LIPE: variants seen among roughly 807,000 people sequenced by gnomAD.
LIPE encodes lipase E, hormone sensitive type, also known as hormone-sensitive lipase.
Under a neutral mutation model 88.5 loss-of-function variants are expected in LIPE, and 66 were observed. The observed-to-expected ratio is 0.75, with a 90% confidence interval of 0.61 to 0.91. The LOEUF (loss-of-function observed/expected upper bound fraction) is 0.91, where lower values mean the gene tolerates loss of function less well. Ranked by LOEUF, LIPE falls within the 40% of genes least tolerant of loss-of-function variation. The probability of loss-of-function intolerance (pLI) is 0.00; values close to 1 mark genes in which losing one functional copy is unlikely to be tolerated. For missense variants in LIPE, 1,346 were observed against 1,434.7 expected (o/e 0.94, Z 1.00); for synonymous variants, 570 against 617.5 (o/e 0.92, Z 1.14).
intron 1 of LIPE, chr19:42,412,468 C>G: frequency 1.0e-6 from 1 of 986,042 alleles, no homozygotes; most frequent in Non-Finnish European, 1.2e-6. Context: ...GCTGGCCTGC[C>G]CAGGGTGTAG....
Position 42,410,986 on chromosome 19 carries a change from G to A in LIPE, c.884-144C>T. Reference sequence around the variant, plus strand: ...TCAGTTCCAGGGGCCCAGGACCCCAGGTTCCTCCTCCCTTAGACATAAGAG... The same window carrying A: ...TCAGTTCCAGGGGCCCAGGACCCCAAGTTCCTCCTCCCTTAGACATAAGAG... On this transcript the variant is annotated intron_variant, in intron 1 of 9. Coordinates refer to ENST00000244289, the MANE Select transcript of LIPE (RefSeq NM_005357.4). This position sits in a 1 kb window ranked among gnomAD's most constrained non-coding sequence, Gnocchi z 6.1. 1.2e-6 allele frequency: 1 copy of A among 845,430 alleles called. No homozygotes were observed. Among genetic ancestry groups the A allele is most frequent in the Non-Finnish European group, 1.8e-6 (1 of 560,808 alleles). 52.4% of individuals were successfully genotyped at this position (845,430 alleles called of 1,614,324 possible).
rs41275754 is a variant in LIPE, at chr19:42,412,378, C to A, written c.884-1536G>T. 4,974 of 985,916 alleles carry A rather than the reference C, an allele frequency of 5.0e-3. 13 individuals are homozygous for A. Among genetic ancestry groups the A allele is most frequent in the Non-Finnish European group, 5.5e-3 (4,604 of 830,278 alleles). 61.1% of individuals were successfully genotyped at this position (985,916 alleles called of 1,614,324 possible). ...CTGGACACTCACCCCTCCTAGGCAT[C>A]TTCCGAGCTTCCCTGGGCTGGGACT... is the stretch of plus-strand genomic sequence containing the variant. On this transcript the variant is annotated intron_variant, in intron 1 of 9. Coordinates refer to ENST00000244289, the MANE Select transcript of LIPE (RefSeq NM_005357.4).
chr19:42,410,630 G>A lies in LIPE; in HGVS notation c.1096C>T (p.Pro366Ser), dbSNP rs759161696. The change falls in exon 2 of 10, where the codon CCA becomes TCA. Residue 366 changes from proline to serine, a missense_variant. Physicochemically the swap from Pro to Ser is moderately conservative, Grantham distance 74. Transcript: ENST00000244289. This position sits in a 1 kb window ranked among gnomAD's most constrained non-coding sequence, Gnocchi z 6.1. ...LGVAHLFDLDPETPANGYRSL... is the reference protein window; with the variant it reads ...LGVAHLFDLDSETPANGYRSL... ...CGGTACCCGTTGGCCGGTGTCTCTG[G>A]GTCCAGGTCAAAGAGGTGCGCCACA... The A allele has an allele frequency of 4.3e-6, 7 of 1,613,450 alleles. No homozygotes were observed. The South Asian group carries it at 7.7e-5, about 18-fold the overall frequency.
chr19:42,421,210 C>T (rs1017149150), intron 1 of LIPE, among the ~76,000 whole-genome samples: 8 of 152,174 alleles, frequency 5.3e-5, no homozygotes, highest in African/African-American at 1.9e-4. Flanking sequence ...CCATCCTCCT[C>T]TCTTAAACTG....
In LIPE at chr19:42,426,101, C is replaced by CTTT. The variant is rs1030833973; in HGVS notation, c.883+163_883+165dup. 0.019 allele frequency among the ~76,000 whole-genome samples: 1,961 copies of CTTT among 104,018 alleles called. 114 individuals are homozygous for CTTT. Among genetic ancestry groups the CTTT allele is most frequent in the African/African-American group, 0.075 (1,816 of 24,280 alleles). The allele number at this position is 104,018 out of a possible 152,430, so 68.2% of individuals were successfully genotyped here. ...ACAGGTGTGAGCCACTGCGCCCAGC[C>CTTT]TTTTTTTTTTTTTTTTTTTTTTTTA... On this transcript the variant is annotated intron_variant, in intron 1 of 9. Coordinates refer to ENST00000244289, the MANE Select transcript of LIPE (RefSeq NM_005357.4).
chr19:42,404,065 CTT>C (rs528946715), intron 8 of LIPE, among the ~76,000 whole-genome samples: 23 of 138,634 alleles, frequency 1.7e-4, no homozygotes, highest in Non-Finnish European at 1.3e-4. Context: ...TAGTTTTTTA[CTT>C]TTTTTTTTTT....
chr19:42,422,574 A>C (rs1164736905), intron 1 of LIPE, among the ~76,000 whole-genome samples: 1 of 151,988 alleles, frequency 6.6e-6, no homozygotes, highest in Non-Finnish European at 1.5e-5. Context: ...CCTGGGGCTG[A>C]GGGGTGGTGT....
At position 42,407,235 on chromosome 19, in the gene LIPE, G is replaced by T; in HGVS notation, c.2076C>A (p.Pro692=). 1 of 1,581,942 alleles carries T rather than the reference G, an allele frequency of 6.3e-7. No homozygotes were observed. Among genetic ancestry groups the T allele is most frequent in the East Asian group, 2.3e-5 (1 of 43,446 alleles). Residue 692 remains proline, a synonymous_variant, in exon 6 of 10, where the codon CCC becomes CCA. Transcript: ENST00000244289. The surrounding 1 kb of genome is among the most constrained non-coding windows in gnomAD (Gnocchi z 5.8). ...DYSLAPEAPF[P]RALEECFFAY... Reference sequence around the variant, plus strand: ...CGAAGAAGCACTCCTCCAGCGCACGGGGGAAGGGGGCCTCAGGGGCCAGGG... The same window carrying T: ...CGAAGAAGCACTCCTCCAGCGCACGTGGGAAGGGGGCCTCAGGGGCCAGGG...
chr19:42,402,548 C>T, intron 9 of LIPE, 59 bp downstream of exon 9: 8 of 1,395,404 alleles, frequency 5.7e-6, no homozygotes, highest in South Asian at 1.9e-5. Context: ...GGTCCCCCTC[C>T]TCCCCGGGTG....
chr19:42,410,672 G>C lies in LIPE; in HGVS notation c.1054C>G (p.Leu352Val). The C allele has an allele frequency of 6.2e-7, 1 of 1,612,216 alleles. No individual in the cohort carries two copies. Among genetic ancestry groups the C allele is most frequent in the Non-Finnish European group, 8.5e-7 (1 of 1,178,804 alleles). The change falls in exon 2 of 10, where the codon CTG becomes GTG. Residue 352 changes from leucine (L) to valine (V), a missense_variant. By Grantham distance (32) the Leu-to-Val change is conservative (BLOSUM62 1). Coordinates refer to ENST00000244289, the MANE Select transcript of LIPE (RefSeq NM_005357.4). The surrounding 1 kb of genome is among the most constrained non-coding windows in gnomAD (Gnocchi z 6.1). Reference sequence around the variant, plus strand: ...TGCGCCACACCCAGCAGGCGGCCCAGGGCCGGCTCCAGCCCCAGCGCCTGC... The same window carrying C: ...TGCGCCACACCCAGCAGGCGGCCCACGGCCGGCTCCAGCCCCAGCGCCTGC... ...REQALGLEPA[L>V]GRLLGVAHLF...
chr19:42,424,015 C>A (rs1034385813), intron 1 of LIPE: 2 of 1,178,402 alleles, frequency 1.7e-6, no homozygotes, highest in Non-Finnish European at 2.1e-6. Flanking sequence ...GGGGTGGGGG[C>A]GGGCCAGGTC....
rs2147599733 is a variant in LIPE at position 42,407,105 on chromosome 19, T to C, written c.2137+69A>G. ...AAGGTAGAGGGTGTGAGGCTGAGGCTGGAGGAGCTTAAAGCAAGCTGGGTG... is the reference window on the plus strand; with the variant it reads ...AAGGTAGAGGGTGTGAGGCTGAGGCCGGAGGAGCTTAAAGCAAGCTGGGTG... On this transcript the variant is annotated intron_variant, in intron 6 of 9. Transcript: ENST00000244289. The surrounding 1 kb of genome is among the most constrained non-coding windows in gnomAD (Gnocchi z 5.8). The C allele has an allele frequency of 3.0e-6, 4 of 1,349,658 alleles. No individual in the cohort carries two copies. Among genetic ancestry groups the C allele is most frequent in the East Asian group, 5.1e-5 (2 of 39,460 alleles). The allele number at this position is 1,349,658 out of a possible 1,614,324, so 83.6% of individuals were successfully genotyped here.
rs36019346 is a variant in LIPE, at chr19:42,419,968, A to G, written c.883+6299T>C. On this transcript the variant is annotated intron_variant, in intron 1 of 9. Coordinates refer to ENST00000244289, the MANE Select transcript of LIPE (RefSeq NM_005357.4). ...GGTCTCGAACTCCTGTGCTCAAGCA[A>G]TCCTCCTGCCTTGGTCTCCCAAAGT... Among the ~76,000 whole-genome samples, 431 of 150,732 alleles carry G rather than the reference A, an allele frequency of 2.9e-3. 3 individuals are homozygous for G. The highest frequency in any genetic ancestry group is 0.01 in the African/African-American group (410 of 40,954).
intron 1 of LIPE, among the ~76,000 whole-genome samples, chr19:42,422,185 G>A (rs1345684877): frequency 6.6e-6 from 1 of 152,214 alleles, no homozygotes; most frequent in African/African-American, 2.4e-5. Flanking sequence ...CACTTCTCCT[G>A]AGGGTTTGCT....
In LIPE at chr19:42,406,064, T is replaced by G; in HGVS notation, c.2365+97A>C. ...GTCTTAGATTCCTCTGCCTGGCCTC[T>G]CCTTCCTCAGTCACAGGAGTCCTGG... On this transcript the variant is annotated intron_variant, in intron 7 of 9. Transcript: ENST00000244289. The surrounding 1 kb of genome is among the most constrained non-coding windows in gnomAD (Gnocchi z 5.7). 2 of 1,055,152 alleles carry G rather than the reference T, an allele frequency of 1.9e-6. No individual in the cohort carries two copies. The highest frequency in any genetic ancestry group is 3.0e-5 in the South Asian group (2 of 66,166). 65.4% of individuals were successfully genotyped at this position (1,055,152 alleles called of 1,614,324 possible).
Position 42,410,953 on chromosome 19 carries a change from G to A in LIPE, c.884-111C>T. 2 of 1,075,164 alleles carry A rather than the reference G, an allele frequency of 1.9e-6. No homozygotes were observed. The allele number at this position is 1,075,164 out of a possible 1,614,324, so 66.6% of individuals were successfully genotyped here. A position where few individuals can be genotyped will look rare whatever the true frequency, so the allele number is the denominator to read the frequency against. ...CACTCCTCCTTCAAACCTCAGTGCTGTCTTCTTTCAGTTCCAGGGGCCCAG... is the reference window on the plus strand; with the variant it reads ...CACTCCTCCTTCAAACCTCAGTGCTATCTTCTTTCAGTTCCAGGGGCCCAG... On this transcript the variant is annotated intron_variant, in intron 1 of 9. Coordinates refer to ENST00000244289, the MANE Select transcript of LIPE (RefSeq NM_005357.4). The surrounding 1 kb of genome is among the most constrained non-coding windows in gnomAD (Gnocchi z 6.1).
At chr19:42,424,727 TC>T in intron 1 of LIPE, 1 of 419,470 alleles carries the variant, frequency 2.4e-6, no homozygotes, top group Non-Finnish European at 4.8e-6. Context: ...CGTTGGTTTT[TC>T]CCCCCACATC....
chr19:42,416,644 C>T (rs979944614), intron 1 of LIPE, among the ~76,000 whole-genome samples: 5 of 152,162 alleles, frequency 3.3e-5, no homozygotes, highest in African/African-American at 1.2e-4. Flanking sequence ...CTAGGGCCCT[C>T]AGGATTACGC....
intron 7 of LIPE, 118 bp from the exon 8 acceptor site, chr19:42,405,679 G>A (rs1174171982): frequency 2.9e-6 from 3 of 1,018,830 alleles, no homozygotes; most frequent in African/African-American, 3.2e-5. Flanking sequence ...GCTTCAAAAG[G>A]GATAAGGAGG....
Sources: allele counts gnomAD v4.1 joint callset (sites outside exome capture counted in the v4.1 genomes callset), GRCh38; gene constraint gnomAD v4.1.1; non-coding constraint Gnocchi (gnomAD v3.1); transcripts MANE v1.5; gene names NCBI Gene and HGNC (gene_info 2026-07-23, HGNC 2026-07-21).